Variants in DLC1 observed in about 807,000 individuals in gnomAD.
The protein encoded by DLC1 is DLC1 Rho GTPase activating protein.
DLC1 carries 54 observed loss-of-function variants against 140.3 expected under a neutral mutation model. The ratio of observed to expected loss-of-function variants is 0.38; its 90% CI spans 0.31 to 0.48. The LOEUF is 0.48. DLC1 is among the 20% of genes least tolerant of loss of function. The pLI is 0.96. For synonymous variants in DLC1, 986 were observed against 728.1 expected (o/e 1.35, Z -5.70); for missense variants, 2,536 against 1,907.0 (o/e 1.33, Z -6.14).
At chr8:13,219,070 A>G (rs1181166934) in intron 5 of DLC1, among the ~76,000 whole-genome samples, 5 of 119,088 alleles carry the variant, frequency 4.2e-5, no homozygotes, top group South Asian at 2.5e-4. Context: ...TTACGTGAAT[A>G]TAATTATATA....
At chr8:13,342,282 G>C (rs1246734141) in intron 4 of DLC1, 1 of 152,180 alleles carries the variant, frequency 6.6e-6, no homozygotes, top group East Asian at 1.9e-4. Context: ...TTTCAAACAT[G>C]CAGAAAATTT....
At position 13,102,857 on chromosome 8, in the gene DLC1, T is replaced by A; in HGVS notation, c.1503-4A>T. On this transcript the variant is annotated splice_polypyrimidine_tract_variant and splice_region_variant and intron_variant, in intron 7 of 17. Coordinates refer to ENST00000276297, the MANE Select transcript of DLC1 (RefSeq NM_182643.3). ...TTTGTTTAAAGTATTTAGACGCCTA[T>A]AGAGCAAAGAAATAACGTTAGCAAA... 6.2e-7 allele frequency: 1 copy of A among 1,613,484 alleles called. No homozygotes were observed. Among genetic ancestry groups the A allele is most frequent in the Non-Finnish European group, 8.5e-7 (1 of 1,179,844 alleles).
At chr8:13,105,121 G>C (rs1819452627) in intron 7 of DLC1, among the ~76,000 whole-genome samples, 1 of 152,182 alleles carries the variant, frequency 6.6e-6, no homozygotes, top group Admixed American at 6.5e-5. Context: ...TATGGGGCTG[G>C]AGAGGGGTTT....
Position 13,461,441 on chromosome 8 carries a change from C to T in DLC1, c.1023+37608G>A, listed in dbSNP as rs1269186172. 4.6e-5 allele frequency among the ~76,000 whole-genome samples: 7 copies of T among 152,292 alleles called. No individual in the cohort carries two copies. The East Asian group carries it at 1.4e-3, about 29-fold the overall frequency. ...GTATTTGCCTCTCCCTGCCTGACCCCTTCTGTCCTTGCCCTGCCAAGGGCA... is the reference window on the plus strand; with the variant it reads ...GTATTTGCCTCTCCCTGCCTGACCCTTTCTGTCCTTGCCCTGCCAAGGGCA... On this transcript the variant is annotated intron_variant, in intron 2 of 17. Coordinates refer to ENST00000276297, the MANE Select transcript of DLC1 (RefSeq NM_182643.3).
intron 5 of DLC1, among the ~76,000 whole-genome samples, chr8:13,126,218 C>CTTA (rs536384275): frequency 2.2e-4 from 34 of 152,064 alleles, no homozygotes; most frequent in African/African-American, 6.7e-4. Flanking sequence ...AAAATTGGCA[C>CTTA]TTATTACCCA....
intron 5 of DLC1, among the ~76,000 whole-genome samples, chr8:13,179,148 C>A (rs1218685668): frequency 6.6e-6 from 1 of 151,940 alleles, no homozygotes; most frequent in African/African-American, 2.4e-5. Context: ...ATGAGTATAA[C>A]AGTGAGGGAA....
At chr8:13,162,201 G>T (rs1183277263) in intron 5 of DLC1, among the ~76,000 whole-genome samples, 1 of 152,142 alleles carries the variant, frequency 6.6e-6, no homozygotes, top group African/African-American at 2.4e-5. Flanking sequence ...ATCAGGAAAA[G>T]GCAAACAATT....
rs1033760561 is a variant in DLC1 at position 13,154,119 on chromosome 8, T to C, written c.1349-38462A>G. On this transcript the variant is annotated intron_variant, in intron 5 of 17. Coordinates refer to ENST00000276297, the MANE Select transcript of DLC1 (RefSeq NM_182643.3). ...GGTGATTGGTGTGTTTACAATCCTT[T>C]AGCTAGACATAAAGGTTCTCCAAGT... Among the ~76,000 whole-genome samples, 3 of 152,214 alleles carry C rather than the reference T, an allele frequency of 2.0e-5. No homozygotes were observed. In the South Asian group the frequency reaches 6.2e-4, roughly 32 times the overall value.
intron 5 of DLC1, among the ~76,000 whole-genome samples, chr8:13,289,417 C>G (rs894469351): frequency 1.3e-5 from 2 of 152,108 alleles, no homozygotes; most frequent in Non-Finnish European, 2.9e-5. Context: ...GTATAAAACT[C>G]ATGGCCTCAA....
chr8:13,099,198 T>G (rs1818763826), intron 9 of DLC1, 149 bp downstream of exon 9: 1 of 1,436,048 alleles, frequency 7.0e-7, no homozygotes, highest in Non-Finnish European at 9.2e-7. Context: ...TTCTTTGAAT[T>G]TTGGTGCTTC....
intron 2 of DLC1, among the ~76,000 whole-genome samples, chr8:13,489,023 C>T (rs374646678): frequency 1.1e-4 from 17 of 152,188 alleles, no homozygotes; most frequent in East Asian, 5.8e-4. Flanking sequence ...TCTTGGCTCA[C>T]TGCAACCTCT....
intron 1 of DLC1, among the ~76,000 whole-genome samples, chr8:13,541,237 A>G (rs569692119): frequency 1.7e-4 from 26 of 151,732 alleles, no homozygotes; most frequent in South Asian, 4.1e-4. Flanking sequence ...GTTTTTGGTT[A>G]TAACAAATAA....
At chr8:13,416,499 G>T (rs1056456261) in intron 2 of DLC1, among the ~76,000 whole-genome samples, 3 of 152,130 alleles carry the variant, frequency 2.0e-5, no homozygotes, top group Admixed American at 2.0e-4. Flanking sequence ...GATGATTCAG[G>T]ATGGTGGTTA....
At chr8:13,545,828 A>G (rs1410514338) in intron 1 of DLC1, among the ~76,000 whole-genome samples, 2 of 152,186 alleles carry the variant, frequency 1.3e-5, no homozygotes, top group African/African-American at 2.4e-5. Context: ...CATTATGGAT[A>G]GCAATTAAAG....
At chr8:13,187,626 T>C (rs1563148466) in intron 5 of DLC1, among the ~76,000 whole-genome samples, 1 of 152,186 alleles carries the variant, frequency 6.6e-6, no homozygotes, top group Non-Finnish European at 1.5e-5. Flanking sequence ...TATTAGACTA[T>C]ATATTACTTA....
chr8:13,373,299 G>A (rs926108109), intron 4 of DLC1, among the ~76,000 whole-genome samples: 2 of 152,140 alleles, frequency 1.3e-5, no homozygotes, highest in African/African-American at 2.4e-5. Flanking sequence ...TGTGCTGTGG[G>A]CTTTTCCCTG....
chr8:13,384,223 G>C (rs948721319), intron 4 of DLC1, among the ~76,000 whole-genome samples: 1 of 152,192 alleles, frequency 6.6e-6, no homozygotes, highest in African/African-American at 2.4e-5. Flanking sequence ...TCCTGTTCTT[G>C]CAAGGCCTCT....
intron 2 of DLC1, among the ~76,000 whole-genome samples, chr8:13,474,493 G>A (rs1286320345): frequency 6.6e-6 from 1 of 152,152 alleles, no homozygotes. Context: ...GTGGAGCTGT[G>A]AGAAAAGGGC....
intron 2 of DLC1, among the ~76,000 whole-genome samples, chr8:13,489,181 A>G (rs1349125678): frequency 6.6e-6 from 1 of 152,074 alleles, no homozygotes; most frequent in Admixed American, 6.6e-5. Context: ...TCCTGACATC[A>G]GGTGATCTGC....
Sources: gnomAD v4.1 joint callset for allele counts (sites outside exome capture counted in the v4.1 genomes callset) on GRCh38, gnomAD v4.1.1 for gene constraint, MANE v1.5 for transcripts, NCBI Gene and HGNC (gene_info 2026-07-23, HGNC 2026-07-21) for gene names.